Variants in DLG2 observed in about 807,000 individuals in gnomAD.
The protein encoded by DLG2 is discs large MAGUK scaffold protein 2, also known as disks large homolog 2.
Under a neutral mutation model 132.5 loss-of-function variants are expected in DLG2, and 45 were observed. The ratio of observed to expected loss-of-function variants is 0.34; its 90% CI spans 0.27 to 0.44. DLG2 has a LOEUF of 0.44. Among genes scored for constraint, DLG2 ranks in the 20% least tolerant of loss-of-function variants. The probability of loss-of-function intolerance (pLI) is 1.00; values close to 1 mark genes in which losing one functional copy is unlikely to be tolerated. For missense variants in DLG2, 1,045 were observed against 1,196.9 expected, an observed-to-expected ratio of 0.87 and a Z score of 1.87; for synonymous variants, 424 against 419.6, an observed-to-expected ratio of 1.01 and a Z score of -0.13.
At chr11:84,246,250 T>C (rs1476205034) in intron 8 of DLG2, among the ~76,000 whole-genome samples, 1 of 152,256 alleles carries the variant, frequency 6.6e-6, no homozygotes, top group Non-Finnish European at 1.5e-5. Context: ...AATTGCTTTC[T>C]ATTCTGAGTA....
chr11:84,861,218 A>G (rs891252812), intron 6 of DLG2, among the ~76,000 whole-genome samples: 11 of 152,102 alleles, frequency 7.2e-5, no homozygotes, highest in Non-Finnish European at 1.3e-4. Context: ...CTGGCTTCCT[A>G]AAGGAGATCA....
At chr11:84,462,708 A>G (rs2099083701) in intron 7 of DLG2, among the ~76,000 whole-genome samples, 1 of 151,142 alleles carries the variant, frequency 6.6e-6, no homozygotes, top group Non-Finnish European at 1.5e-5. Context: ...GGTGAACAGG[A>G]AATGACTACA....
chr11:83,595,129 G>A (rs1364559933), intron 19 of DLG2, among the ~76,000 whole-genome samples: 1 of 128,482 alleles, frequency 7.8e-6, no homozygotes, highest in African/African-American at 2.8e-5. Flanking sequence ...TCTATTTATG[G>A]GAAAAAAAAA....
chr11:83,790,134 T>A lies in DLG2; in HGVS notation c.1723-3342A>T, dbSNP rs986645645. 1.2e-5 allele frequency: 10 copies of A among 868,436 alleles called. No homozygotes were observed. In the Admixed American group the frequency reaches 2.3e-4, roughly 20 times the overall value. 53.8% of individuals were successfully genotyped at this position (868,436 alleles called of 1,614,324 possible). ...GGCTTGGCCAGTCTGACAAGGTAAG[T>A]TGCAGATCCAGGCAGCTGAGACCTT... On this transcript the variant is annotated intron_variant, in intron 17 of 27. Transcript: ENST00000376104.
intron 3 of DLG2, among the ~76,000 whole-genome samples, chr11:85,429,898 C>T (rs571329685): frequency 4.4e-4 from 67 of 152,290 alleles, no homozygotes; most frequent in African/African-American, 1.6e-3. Context: ...GCTATAAAGA[C>T]ACATACACAC....
intron 10 of DLG2, among the ~76,000 whole-genome samples, chr11:84,072,203 C>CA (rs1376048057): frequency 1.3e-5 from 2 of 152,236 alleles, no homozygotes; most frequent in Admixed American, 6.5e-5. Flanking sequence ...AGTACCTTCA[C>CA]ATAACACCCA....
At chr11:85,567,729 C>G (rs765208186) in intron 3 of DLG2, among the ~76,000 whole-genome samples, 2 of 152,136 alleles carry the variant, frequency 1.3e-5, no homozygotes, top group African/African-American at 2.4e-5. Flanking sequence ...CTTTCCGTCT[C>G]TCACTATTAA....
intron 6 of DLG2, among the ~76,000 whole-genome samples, chr11:84,681,236 A>T (rs1350479236): frequency 1.3e-5 from 2 of 152,212 alleles, no homozygotes; most frequent in Non-Finnish European, 1.5e-5. Flanking sequence ...TTCTCTTCAC[A>T]ATCCTTCCTT....
chr11:83,999,476 G>A (rs886734008), intron 11 of DLG2, among the ~76,000 whole-genome samples: 2 of 152,002 alleles, frequency 1.3e-5, no homozygotes, highest in African/African-American at 4.8e-5. Context: ...CAAGTTCCCA[G>A]GGGCCTAATA....
chr11:85,234,904 G>A (rs1464364603), intron 4 of DLG2, among the ~76,000 whole-genome samples: 1 of 151,918 alleles, frequency 6.6e-6, no homozygotes, highest in African/African-American at 2.4e-5. Flanking sequence ...AATCACCACA[G>A]ACACAAATTA....
chr11:84,697,012 T>C (rs556114677), intron 6 of DLG2, among the ~76,000 whole-genome samples: 2 of 151,448 alleles, frequency 1.3e-5, no homozygotes, highest in African/African-American at 4.8e-5. Flanking sequence ...TCAGTAGACT[T>C]TGGGGCTAAG....
intron 6 of DLG2, among the ~76,000 whole-genome samples, chr11:84,869,022 A>G (rs1199503022): frequency 1.3e-5 from 2 of 152,196 alleles, no homozygotes; most frequent in Non-Finnish European, 2.9e-5. Context: ...AATTTTACAT[A>G]TCTCTAACAA....
chr11:83,762,452 G>A (rs907460613), intron 18 of DLG2, among the ~76,000 whole-genome samples: 1 of 152,166 alleles, frequency 6.6e-6, no homozygotes, highest in Non-Finnish European at 1.5e-5. Context: ...TTGTTCTAAA[G>A]ATTTTGTCGA....
intron 4 of DLG2, among the ~76,000 whole-genome samples, chr11:85,164,213 T>A (rs929308819): frequency 6.6e-6 from 1 of 152,116 alleles, no homozygotes; most frequent in Non-Finnish European, 1.5e-5. Flanking sequence ...AAATATAAAT[T>A]TCCTACATAA....
At chr11:85,043,041 A>T (rs1188373238) in intron 6 of DLG2, among the ~76,000 whole-genome samples, 1 of 151,878 alleles carries the variant, frequency 6.6e-6, no homozygotes, top group East Asian at 1.9e-4. Flanking sequence ...CTGACATTAC[A>T]TCGTCAGCCT....
chr11:84,173,133 C>A (rs2095861781), intron 8 of DLG2, among the ~76,000 whole-genome samples: 1 of 152,060 alleles, frequency 6.6e-6, no homozygotes, highest in Non-Finnish European at 1.5e-5. Context: ...GCTTTTGTAA[C>A]AAAGGAACAA....
At chr11:83,775,843 A>T (rs920985218) in intron 18 of DLG2, among the ~76,000 whole-genome samples, 1 of 152,150 alleles carries the variant, frequency 6.6e-6, no homozygotes, top group Non-Finnish European at 1.5e-5. Context: ...CTGTAATCCC[A>T]GCACCTTGGG....
chr11:83,571,415 G>A (rs969928131), intron 19 of DLG2, among the ~76,000 whole-genome samples: 2 of 150,978 alleles, frequency 1.3e-5, no homozygotes, highest in African/African-American at 2.4e-5. Context: ...TCTAGCAAAC[G>A]TTGTCCATCG....
chr11:84,005,040 CAACAA>C (rs1034930161), intron 11 of DLG2, among the ~76,000 whole-genome samples: 6 of 148,938 alleles, frequency 4.0e-5, no homozygotes, highest in African/African-American at 7.4e-5. Context: ...AAACCAAAAA[CAACAA>C]AACAAAACAA....
Sources: allele counts gnomAD v4.1 joint callset (sites outside exome capture counted in the v4.1 genomes callset), GRCh38; gene constraint gnomAD v4.1.1; transcripts MANE v1.5; gene names NCBI Gene and HGNC (gene_info 2026-07-23, HGNC 2026-07-21).